The following COBL variants were observed in gnomAD, a reference collection of about 807,000 sequenced individuals.
COBL encodes the protein protein cordon-bleu.
Under a neutral mutation model 98.8 loss-of-function variants are expected in COBL, and 51 were observed. The ratio of observed to expected loss-of-function variants is 0.52; its 90% CI spans 0.41 to 0.65. COBL has a LOEUF of 0.65. Ranked by LOEUF, COBL falls within the 30% of genes least tolerant of loss-of-function variation. The probability of loss-of-function intolerance (pLI) is 0.00; values close to 1 mark genes in which losing one functional copy is unlikely to be tolerated. For missense variants in COBL, 1,617 were observed against 1,617.5 expected (o/e 1.00, Z 0.01); for synonymous variants, 634 against 651.7 (o/e 0.97, Z 0.41).
intron 7 of COBL, among the ~76,000 whole-genome samples, chr7:51,046,222 TC>T (rs1789676963): frequency 6.6e-6 from 1 of 152,008 alleles, no homozygotes; most frequent in Non-Finnish European, 1.5e-5. Flanking sequence ...CAGGCAGACC[TC>T]CCCACAGTGA....
intron 5 of COBL, among the ~76,000 whole-genome samples, chr7:51,154,990 C>T (rs1785975822): frequency 6.6e-6 from 1 of 152,202 alleles, no homozygotes; most frequent in African/African-American, 2.4e-5. Flanking sequence ...TTTCCAGGCA[C>T]TGCATTAGTT....
At chr7:51,180,314 A>C (rs1224042684) in intron 5 of COBL, among the ~76,000 whole-genome samples, 1 of 152,212 alleles carries the variant, frequency 6.6e-6, no homozygotes, top group Non-Finnish European at 1.5e-5. Context: ...CTGACCTTGC[A>C]GTAAGTAAAA....
chr7:51,315,271 A>G (rs199508632), intron 1 of COBL, among the ~76,000 whole-genome samples: 6 of 151,882 alleles, frequency 4.0e-5, no homozygotes, highest in South Asian at 4.2e-4. Context: ...AAAAAAAAAA[A>G]AGAGAGAGAG....
In COBL at chr7:51,029,671, C is replaced by T. The variant is rs1458489340; in HGVS notation, c.1505-80G>A. 4.9e-6 allele frequency: 6 copies of T among 1,218,300 alleles called. No individual in the cohort carries two copies. The Admixed American group carries it at 1.2e-4, about 24-fold the overall frequency. The allele number at this position is 1,218,300 out of a possible 1,614,324, so 75.5% of individuals were successfully genotyped here. A position where few individuals can be genotyped will look rare whatever the true frequency, so the allele number is the denominator to read the frequency against. On this transcript the variant is annotated intron_variant, in intron 9 of 12. Coordinates refer to ENST00000265136, the MANE Select transcript of COBL (RefSeq NM_015198.5). The stretch of plus-strand genomic sequence containing the variant: ...GTAACTGCAGCCATGACTTTGATTT[C>T]CCTGAGGTTACTTTTGAATACATTA...
At chr7:51,185,670 A>C (rs963958575) in intron 4 of COBL, among the ~76,000 whole-genome samples, 1 of 152,260 alleles carries the variant, frequency 6.6e-6, no homozygotes, top group Non-Finnish European at 1.5e-5. Flanking sequence ...ACTGATAGCA[A>C]GAGCTCTATA....
chr7:51,255,644 T>C (rs1306193421), intron 1 of COBL, among the ~76,000 whole-genome samples: 5 of 152,208 alleles, frequency 3.3e-5, no homozygotes, highest in African/African-American at 1.2e-4. Context: ...AGGAAAGTTC[T>C]CTGCCGAGAT....
At chr7:51,236,868 C>G (rs1370118678) in intron 1 of COBL, among the ~76,000 whole-genome samples, 1 of 152,216 alleles carries the variant, frequency 6.6e-6, no homozygotes, top group Non-Finnish European at 1.5e-5. Context: ...TGCCCTGTCT[C>G]CATCCTCCAC....
intron 1 of COBL, among the ~76,000 whole-genome samples, chr7:51,261,538 A>G (rs759221790): frequency 3.3e-5 from 5 of 152,238 alleles, no homozygotes; most frequent in Non-Finnish European, 7.3e-5. Context: ...AGCTAAGAAC[A>G]CAGCAGTGTG....
At chr7:51,097,385 G>C (rs1003883052) in intron 6 of COBL, among the ~76,000 whole-genome samples, 4 of 152,132 alleles carry the variant, frequency 2.6e-5, no homozygotes, top group Non-Finnish European at 5.9e-5. Flanking sequence ...TTTAAGACGA[G>C]GAAGAAGGAA....
intron 7 of COBL, among the ~76,000 whole-genome samples, chr7:51,056,263 G>C (rs1455344559): frequency 6.6e-6 from 1 of 151,920 alleles, no homozygotes; most frequent in East Asian, 1.9e-4. Context: ...GAGGAGAGCT[G>C]AGCAGGGTAG....
At chr7:51,093,135 A>T (rs190247296) in intron 6 of COBL, among the ~76,000 whole-genome samples, 226 of 152,368 alleles carry the variant, frequency 1.5e-3, no homozygotes, top group Non-Finnish European at 2.2e-3. Flanking sequence ...TATAGCTGAT[A>T]AAAGGCTAAT....
At chr7:51,206,029 C>CA (rs1210472984) in intron 2 of COBL, among the ~76,000 whole-genome samples, 2 of 151,980 alleles carry the variant, frequency 1.3e-5, no homozygotes, top group African/African-American at 4.8e-5. Context: ...ATCAAAAAGA[C>CA]AAAAAATAGC....
rs199963259 is a variant in COBL at position 51,190,868 on chromosome 7, C to T, written c.667G>A (p.Ala223Thr). 6.4e-5 allele frequency: 103 copies of T among 1,613,814 alleles called. No individual in the cohort carries two copies. The highest frequency in any genetic ancestry group is 2.8e-4 in the Admixed American group (17 of 59,974). Residue 223 changes from alanine to threonine, a missense_variant, in exon 4 of 13, where the codon GCG (alanine) becomes ACG (threonine). Transcript: ENST00000265136. The part of the protein sequence containing the change: ...LNELGIKELY[A>T]WDNRRETFRK... ...GCCTCACCTCTTCTGTTGTCCCACG[C>T]GTAGAGCTCCTTTATCCCGAGCTCG...
chr7:51,088,864 C>G (rs781357267), intron 6 of COBL, among the ~76,000 whole-genome samples: 5 of 152,192 alleles, frequency 3.3e-5, no homozygotes, highest in African/African-American at 1.2e-4. Context: ...CCCGAGTACT[C>G]TGGTGAGAGG....
Position 51,241,505 on chromosome 7 carries a change from G to A in COBL, c.42-21561C>T, listed in dbSNP as rs114013510. Among the ~76,000 whole-genome samples the A allele has an allele frequency of 7.5e-3, 1,148 of 152,240 alleles. 14 individuals are homozygous for A. Among genetic ancestry groups the A allele is most frequent in the African/African-American group, 0.027 (1,112 of 41,540 alleles). On this transcript the variant is annotated intron_variant, in intron 1 of 12. Coordinates refer to ENST00000265136, the MANE Select transcript of COBL (RefSeq NM_015198.5). ...ATTAAGAAACCAATGCTCCTCGGCC[G>A]TTCCCACGATCACCGATTAACATTT... is the stretch of plus-strand genomic sequence containing the variant.
intron 7 of COBL, chr7:51,072,348 G>A (rs902299800): frequency 6.6e-6 from 1 of 152,320 alleles, no homozygotes; most frequent in Non-Finnish European, 1.5e-5. Context: ...ATGCAGTTGA[G>A]GTGACTAGCT....
chr7:51,256,656 T>C (rs1390447709), intron 1 of COBL, among the ~76,000 whole-genome samples: 1 of 152,078 alleles, frequency 6.6e-6, no homozygotes, highest in African/African-American at 2.4e-5. Context: ...GTTTCACAGA[T>C]CCCAGGCAGA....
chr7:51,169,762 G>A (rs534162941), intron 5 of COBL, among the ~76,000 whole-genome samples: 2 of 152,224 alleles, frequency 1.3e-5, no homozygotes, highest in South Asian at 4.1e-4. Flanking sequence ...AATGAATAAG[G>A]CCTACTATTT....
chr7:51,261,885 T>C (rs1797752431), intron 1 of COBL, among the ~76,000 whole-genome samples: 1 of 151,686 alleles, frequency 6.6e-6, no homozygotes, highest in African/African-American at 2.4e-5. Context: ...GAGGCGGAGG[T>C]TGCAGTGAGC....
Sources: allele counts gnomAD v4.1 joint callset (sites outside exome capture counted in the v4.1 genomes callset), GRCh38; gene constraint gnomAD v4.1.1; transcripts MANE v1.5; gene names NCBI Gene and HGNC (gene_info 2026-07-23, HGNC 2026-07-21).